Variants in FGF12 observed in about 807,000 individuals in gnomAD.
FGF12 encodes the protein fibroblast growth factor 12.
FGF12 carries 14 observed loss-of-function variants against 23.6 expected under a neutral mutation model. The ratio of observed to expected loss-of-function variants is 0.59; its 90% CI spans 0.39 to 0.93. The LOEUF is 0.93. Ranked by LOEUF, FGF12 falls within the 40% of genes least tolerant of loss-of-function variation. The probability of loss-of-function intolerance (pLI) is 0.00; values close to 1 mark genes in which losing one functional copy is unlikely to be tolerated. For synonymous variants in FGF12, 62 were observed against 77.3 expected (o/e 0.80, Z 1.04); for missense variants, 175 against 217.8 (o/e 0.80, Z 1.24).
chr3:192,402,158 T>C (rs1720789412), intron 2 of FGF12, among the ~76,000 whole-genome samples: 1 of 152,256 alleles, frequency 6.6e-6, no homozygotes, highest in Admixed American at 6.5e-5. Flanking sequence ...CAGAGCTCTC[T>C]TTAACTTGGT....
chr3:192,672,016 A>G (rs888839674), intron 2 of FGF12, among the ~76,000 whole-genome samples: 1 of 152,270 alleles, frequency 6.6e-6, no homozygotes, highest in Non-Finnish European at 1.5e-5. Context: ...ACCCAAAGAC[A>G]GAGTGCGGCT....
At chr3:192,658,481 C>T (rs1560184566) in intron 2 of FGF12, among the ~76,000 whole-genome samples, 1 of 152,150 alleles carries the variant, frequency 6.6e-6, no homozygotes. Context: ...AGCCTCTGCA[C>T]GAAGATCCTC....
intron 2 of FGF12, among the ~76,000 whole-genome samples, chr3:192,431,949 T>C (rs1490693352): frequency 6.6e-6 from 1 of 152,166 alleles, no homozygotes; most frequent in Non-Finnish European, 1.5e-5. Context: ...ATGTACACTA[T>C]GCTGTTTCCA....
intron 2 of FGF12, among the ~76,000 whole-genome samples, chr3:192,712,721 T>C (rs1391164035): frequency 1.3e-5 from 2 of 151,360 alleles, no homozygotes; most frequent in Admixed American, 1.3e-4. Flanking sequence ...TCAGAAATTT[T>C]ACTGTGTATC....
At chr3:192,665,049 A>G (rs984506829) in intron 2 of FGF12, among the ~76,000 whole-genome samples, 1 of 152,200 alleles carries the variant, frequency 6.6e-6, no homozygotes, top group African/African-American at 2.4e-5. Flanking sequence ...ATCCAGCAAA[A>G]TCAGGACCAT....
intron 2 of FGF12, among the ~76,000 whole-genome samples, chr3:192,527,644 G>T (rs1724977235): frequency 6.6e-6 from 1 of 152,120 alleles, no homozygotes. Flanking sequence ...AATCCATTTA[G>T]ACTGAACTGT....
rs1719147555 is a variant in FGF12 at position 192,369,901 on chromosome 3, C to G, written c.14-9363G>C. ...TCACAGAATGGGGATGCTAATTTTA[C>G]CTGGGATGGCAGGTTCTGGGACAAG... On this transcript the variant is annotated intron_variant, in intron 2 of 5. Transcript: ENST00000445105. 2.6e-5 allele frequency among the ~76,000 whole-genome samples: 4 copies of G among 152,242 alleles called. No homozygotes were observed. The South Asian group carries it at 8.3e-4, about 32-fold the overall frequency.
At chr3:192,461,308 A>G (rs1722854975) in intron 2 of FGF12, among the ~76,000 whole-genome samples, 1 of 152,236 alleles carries the variant, frequency 6.6e-6, no homozygotes, top group Admixed American at 6.5e-5. Context: ...AGAAAGTTAA[A>G]CAGAATCTTC....
chr3:192,692,898 G>A (rs762976506), intron 2 of FGF12, among the ~76,000 whole-genome samples: 2 of 151,778 alleles, frequency 1.3e-5, no homozygotes, highest in Non-Finnish European at 2.9e-5. Context: ...TCTAGGGTCT[G>A]GCTTAAGGCA....
At chr3:192,337,726 C>T (rs1717488691) in intron 3 of FGF12, among the ~76,000 whole-genome samples, 1 of 152,078 alleles carries the variant, frequency 6.6e-6, no homozygotes, top group African/African-American at 2.4e-5. Context: ...AATGCATTGT[C>T]ATGTTTCTGA....
intron 5 of FGF12, among the ~76,000 whole-genome samples, chr3:192,165,128 A>AT (rs1347631423): frequency 1.3e-5 from 2 of 151,714 alleles, no homozygotes; most frequent in African/African-American, 4.8e-5. Context: ...TAATTTTCAT[A>AT]TTTTTTAGTA....
chr3:192,358,602 G>A (rs148241978), intron 3 of FGF12, among the ~76,000 whole-genome samples: 18 of 151,850 alleles, frequency 1.2e-4, no homozygotes, highest in East Asian at 9.7e-4. Flanking sequence ...TTCACCCAGC[G>A]TCAGCAGAGC....
intron 4 of FGF12, among the ~76,000 whole-genome samples, chr3:192,308,548 C>T (rs1032302259): frequency 2.0e-5 from 3 of 151,780 alleles, no homozygotes; most frequent in South Asian, 2.1e-4. Flanking sequence ...GGCATGGTGG[C>T]GTGTGCCTCT....
chr3:192,256,424 A>G (rs1406827849), intron 4 of FGF12, among the ~76,000 whole-genome samples: 2 of 151,706 alleles, frequency 1.3e-5, no homozygotes, highest in Non-Finnish European at 2.9e-5. Context: ...GTTACTGTAT[A>G]GATATTTACA....
intron 4 of FGF12, among the ~76,000 whole-genome samples, chr3:192,332,847 G>C (rs1220377262): frequency 6.6e-6 from 1 of 152,042 alleles, no homozygotes; most frequent in Admixed American, 6.6e-5. Flanking sequence ...ATAGAAAATT[G>C]CTTTTCAAAG....
intron 2 of FGF12, among the ~76,000 whole-genome samples, chr3:192,611,671 C>T (rs894063543): frequency 6.6e-6 from 1 of 151,922 alleles, no homozygotes; most frequent in African/African-American, 2.4e-5. Flanking sequence ...GTACTTCCCA[C>T]GTAACTGTCA....
intron 2 of FGF12, among the ~76,000 whole-genome samples, chr3:192,478,211 C>A (rs1723382399): frequency 6.6e-6 from 1 of 152,136 alleles, no homozygotes; most frequent in Non-Finnish European, 1.5e-5. Context: ...TTCCAACCAC[C>A]AGGTTGGTAC....
intron 4 of FGF12, among the ~76,000 whole-genome samples, chr3:192,202,018 T>C (rs1717395069): frequency 6.6e-6 from 1 of 152,250 alleles, no homozygotes; most frequent in Admixed American, 6.5e-5. Flanking sequence ...CAATGTGAAT[T>C]ACCAAATTGA....
intron 2 of FGF12, among the ~76,000 whole-genome samples, chr3:192,476,325 A>T (rs1169861759): frequency 1.3e-5 from 2 of 152,184 alleles, no homozygotes; most frequent in African/African-American, 4.8e-5. Context: ...AGATGAAAAA[A>T]AAATGAAGCC....
Sources: allele counts gnomAD v4.1 joint callset (sites outside exome capture counted in the v4.1 genomes callset), GRCh38; gene constraint gnomAD v4.1.1; transcripts MANE v1.5; gene names NCBI Gene and HGNC (gene_info 2026-07-23, HGNC 2026-07-21).